Variants in PATJ observed in about 807,000 individuals in gnomAD.
PATJ encodes the protein PATJ crumbs cell polarity complex component.
In PATJ, 190 loss-of-function variants were observed where a neutral mutation model predicts 224.9. That is an observed-to-expected ratio of 0.84 (90% CI 0.75 to 0.95). The LOEUF (loss-of-function observed/expected upper bound fraction) is 0.95, where lower values mean the gene tolerates loss of function less well. Ranked by LOEUF, PATJ falls within the 40% of genes least tolerant of loss-of-function variation. The probability of loss-of-function intolerance (pLI) is 0.00; values close to 1 mark genes in which losing one functional copy is unlikely to be tolerated. For missense variants in PATJ, 2,121 were observed against 2,270.3 expected (o/e 0.93, Z 1.34); for synonymous variants, 769 against 820.3 (o/e 0.94, Z 1.07).
At chr1:62,145,940 A>C (rs1450528430) in intron 41 of PATJ, among the ~76,000 whole-genome samples, 1 of 152,206 alleles carries the variant, frequency 6.6e-6, no homozygotes, top group Non-Finnish European at 1.5e-5. Flanking sequence ...CCTGGGCGAC[A>C]GAGTGAGACT....
chr1:61,979,474 A>G lies in PATJ; in HGVS notation c.3671-10694A>G, dbSNP rs1214380477. ...TTGAGACCATCCCGGCCAACATGGT[A>G]AAACTCTGTCTCTACTAAAAATACA... On this transcript the variant is annotated intron_variant, in intron 27 of 43. Coordinates refer to ENST00000642238, the MANE Select transcript of PATJ (RefSeq NM_001350145.3). 1.6e-4 allele frequency among the ~76,000 whole-genome samples: 24 copies of G among 151,932 alleles called. No homozygotes were observed. In the South Asian group the frequency reaches 1.7e-3, roughly 10 times the overall value.
chr1:61,766,162 C>A, intron 3 of PATJ, 117 bp from the exon 4 acceptor site: 1 of 690,194 alleles, frequency 1.4e-6, no homozygotes, highest in Non-Finnish European at 2.3e-6. Flanking sequence ...TACCTTATTT[C>A]TTTTCCATGT....
rs146135019 is a variant in PATJ, at chr1:61,801,747, C to T, written c.1527C>T (p.Asn509=). ...GAATTGATACTTTAAAAAATGACAA[C>T]ATACAAGCCTTAGAAAAATTGGGTA... ...KERIDTLKND[N]IQALEKLEKV... Residue 509 remains asparagine, a synonymous_variant, in exon 12 of 44, where the codon AAC becomes AAT. Coordinates refer to ENST00000642238, the MANE Select transcript of PATJ (RefSeq NM_001350145.3). 25 of 1,589,404 alleles carry T rather than the reference C, an allele frequency of 1.6e-5. No individual in the cohort carries two copies. The highest frequency in any genetic ancestry group is 2.1e-5 in the Non-Finnish European group (24 of 1,167,840).
At chr1:61,894,387 C>T (rs545708335) in intron 22 of PATJ, among the ~76,000 whole-genome samples, 4 of 152,132 alleles carry the variant, frequency 2.6e-5, no homozygotes, top group Non-Finnish European at 5.9e-5. Context: ...TGTGTCTCTA[C>T]CCAAATCTCA....
rs1270479304 is a variant in PATJ, at chr1:61,771,472, A to G, written c.566A>G (p.Asn189Ser). The change falls in exon 6 of 44, where the codon AAT (asparagine) becomes AGT (serine). Residue 189 changes from asparagine to serine, a missense_variant. Asn to Ser is a conservative substitution (Grantham distance 46, BLOSUM62 1). Coordinates refer to ENST00000642238, the MANE Select transcript of PATJ (RefSeq NM_001350145.3). ...LKENDQILAI[N>S]HTPLDQNISH... ...GAAAATGATCAAATATTGGCCATTA[A>G]TCACACGCCATTGGATCAGAACATT... The G allele has an allele frequency of 6.2e-7, 1 of 1,607,354 alleles. No homozygotes were observed. Among genetic ancestry groups the G allele is most frequent in the Non-Finnish European group, 8.5e-7 (1 of 1,178,004 alleles).
At chr1:61,983,348 G>GA (rs77481154) in intron 27 of PATJ, among the ~76,000 whole-genome samples, 38,013 of 151,698 alleles carry the variant, frequency 0.25, 5,132 homozygotes, top group East Asian at 0.45. Context: ...ATGAGGCACT[G>GA]AAAAAAATGA....
rs1425243028 is a variant in PATJ, at chr1:62,128,008, G to A, written c.5080G>A (p.Gly1694Arg). 1 of 1,613,892 alleles carries A rather than the reference G, an allele frequency of 6.2e-7. No individual in the cohort carries two copies. The highest frequency in any genetic ancestry group is 8.5e-7 in the Non-Finnish European group (1 of 1,179,896). The change falls in exon 40 of 44, where the codon GGA becomes AGA. Residue 1694 changes from glycine (G) to arginine (R), a missense_variant. Coordinates refer to ENST00000642238, the MANE Select transcript of PATJ (RefSeq NM_001350145.3). Reference protein sequence around the residue: ...SDALGISIAGGRGSPLGDIPV... With the variant: ...SDALGISIAGRRGSPLGDIPV... Reference sequence around the variant, plus strand: ...TGCCCTTGGAATCAGTATTGCTGGAGGAAGAGGAAGTCCCTTAGGAGATAT... The same window carrying A: ...TGCCCTTGGAATCAGTATTGCTGGAAGAAGAGGAAGTCCCTTAGGAGATAT...
At chr1:62,158,563 T>C (rs888660112) in intron 43 of PATJ, among the ~76,000 whole-genome samples, 4 of 147,760 alleles carry the variant, frequency 2.7e-5, no homozygotes, top group African/African-American at 9.8e-5. Context: ...CTACTAAAAA[T>C]ACAAAAAATT....
Position 61,791,423 on chromosome 1 carries a change from G to C in PATJ, c.1144G>C (p.Gly382Arg). The change falls in exon 9 of 44, where the codon GGC becomes CGC. Residue 382 changes from glycine (G) to arginine (R), a missense_variant. Coordinates refer to ENST00000642238, the MANE Select transcript of PATJ (RefSeq NM_001350145.3). Reference protein sequence around the residue: ...DGQSLGIRIVGYVGTSHTGEA... With the variant: ...DGQSLGIRIVRYVGTSHTGEA... ...GCAGAGTCTTGGAATTAGAATTGTT[G>C]GCTATGTTGGAACATCTCATACAGG... is the stretch of plus-strand genomic sequence containing the variant. 3.7e-6 allele frequency: 6 copies of C among 1,604,790 alleles called. No individual in the cohort carries two copies. Among genetic ancestry groups the C allele is most frequent in the Non-Finnish European group, 4.3e-6 (5 of 1,171,846 alleles).
intron 27 of PATJ, among the ~76,000 whole-genome samples, chr1:61,954,469 G>T (rs940717949): frequency 2.6e-4 from 39 of 152,050 alleles, no homozygotes; most frequent in African/African-American, 9.2e-4. Flanking sequence ...AAGTATTTTA[G>T]GTTTGATATA....
intron 33 of PATJ, among the ~76,000 whole-genome samples, chr1:62,097,337 A>G (rs1405742381): frequency 1.3e-5 from 2 of 152,194 alleles, no homozygotes; most frequent in Admixed American, 6.5e-5. Flanking sequence ...AAAAAAGACT[A>G]TAAATTTTAT....
intron 17 of PATJ, chr1:61,845,944 T>C (rs565455398): frequency 6.6e-6 from 1 of 152,304 alleles, no homozygotes; most frequent in East Asian, 1.9e-4. Context: ...TTTCATATTT[T>C]AATATTTGAA....
chr1:62,029,462 A>C (rs1006533819), intron 29 of PATJ, among the ~76,000 whole-genome samples: 1 of 152,318 alleles, frequency 6.6e-6, no homozygotes, highest in Non-Finnish European at 1.5e-5. Flanking sequence ...AGTATCCCAT[A>C]TTTATCCTAA....
At chr1:62,051,090 TC>T (rs777723851) in intron 31 of PATJ, 32 bp downstream of exon 31, 22 of 1,464,906 alleles carry the variant, frequency 1.5e-5, no homozygotes, top group Non-Finnish European at 2.0e-5. Context: ...CATCCTGTAT[TC>T]TGTTTAGGGA....
intron 27 of PATJ, among the ~76,000 whole-genome samples, chr1:61,988,068 G>A (rs1644861861): frequency 1.3e-5 from 2 of 152,052 alleles, no homozygotes; most frequent in South Asian, 2.1e-4. Flanking sequence ...GTATGGTGGC[G>A]CACTCCTGTG....
intron 22 of PATJ, among the ~76,000 whole-genome samples, chr1:61,887,303 G>A (rs1002513163): frequency 5.3e-5 from 8 of 152,108 alleles, no homozygotes; most frequent in Admixed American, 2.6e-4. Context: ...GGAAAGGAAG[G>A]TCTGGATGTA....
chr1:61,995,574 C>G (rs376962919), intron 28 of PATJ, among the ~76,000 whole-genome samples: 1 of 152,138 alleles, frequency 6.6e-6, no homozygotes, highest in African/African-American at 2.4e-5. Flanking sequence ...GGGACTGCAC[C>G]ATTACAGTGG....
At chr1:61,930,395 G>A (rs1030912077) in intron 27 of PATJ, among the ~76,000 whole-genome samples, 5 of 152,110 alleles carry the variant, frequency 3.3e-5, no homozygotes, top group Non-Finnish European at 7.3e-5. Flanking sequence ...AAAGTATTTC[G>A]GGTTGCTGTT....
At chr1:61,821,339 C>T (rs1049283772) in intron 14 of PATJ, among the ~76,000 whole-genome samples, 1 of 152,156 alleles carries the variant, frequency 6.6e-6, no homozygotes, top group Admixed American at 6.5e-5. Context: ...CTATCATGCC[C>T]GGCCGGAAAA....
Sources: allele counts gnomAD v4.1 joint callset (sites outside exome capture counted in the v4.1 genomes callset), GRCh38; gene constraint gnomAD v4.1.1; transcripts MANE v1.5; gene names NCBI Gene and HGNC (gene_info 2026-07-23, HGNC 2026-07-21).